Variants in PRORP observed in about 807,000 individuals in gnomAD.
The protein encoded by PRORP is protein only RNase P catalytic subunit, also known as mitochondrial ribonuclease P catalytic subunit.
PRORP carries 51 observed loss-of-function variants against 59.4 expected under a neutral mutation model. The ratio of observed to expected loss-of-function variants is 0.86; its 90% CI spans 0.69 to 1.08. The LOEUF (loss-of-function observed/expected upper bound fraction) is 1.08, where lower values mean the gene tolerates loss of function less well. Among genes scored for constraint, PRORP ranks in the 50% least tolerant of loss-of-function variants. The pLI is 0.00. For synonymous variants in PRORP, 231 were observed against 245.6 expected (o/e 0.94, Z 0.55); for missense variants, 646 against 690.3 (o/e 0.94, Z 0.72).
At chr14:35,150,833 A>G (rs1415058843) in intron 4 of PRORP, among the ~76,000 whole-genome samples, 2 of 152,170 alleles carry the variant, frequency 1.3e-5, no homozygotes, top group African/African-American at 2.4e-5. Flanking sequence ...TCAAATGGAA[A>G]GTTTTGTGTG....
chr14:35,123,188 A>G lies in PRORP; in HGVS notation c.-58A>G. On this transcript the variant is annotated 5_prime_UTR_variant, in exon 2 of 8. Coordinates refer to ENST00000534898, the MANE Select transcript of PRORP (RefSeq NM_014672.4). ...GACCCCCAATCTCTTTAATTTTGCC[A>G]TAGAAGAGGGGTTTTTTCAACATCT... The G allele has an allele frequency of 2.0e-6, 3 of 1,536,384 alleles. No homozygotes were observed. The highest frequency in any genetic ancestry group is 2.6e-6 in the Non-Finnish European group (3 of 1,144,414).
intron 7 of PRORP, among the ~76,000 whole-genome samples, chr14:35,272,714 G>A (rs763941147): frequency 1.4e-4 from 22 of 152,148 alleles, no homozygotes; most frequent in Non-Finnish European, 3.1e-4. Context: ...AATGGCTGAA[G>A]CTAGGTGATG....
intron 5 of PRORP, among the ~76,000 whole-genome samples, chr14:35,253,207 A>C (rs1383803497): frequency 1.3e-5 from 2 of 151,682 alleles, no homozygotes; most frequent in Non-Finnish European, 2.9e-5. Context: ...GCTGGTGTGC[A>C]CCTATAGTCC....
chr14:35,142,421 C>T lies in PRORP; in HGVS notation c.1167+14810C>T, dbSNP rs1293387952. 1.5e-5 allele frequency among the ~76,000 whole-genome samples: 2 copies of T among 137,872 alleles called. 1 individual carries two copies. The highest frequency in any genetic ancestry group is 3.2e-5 in the Non-Finnish European group (2 of 62,930). 90.4% of individuals were successfully genotyped at this position (137,872 alleles called of 152,430 possible). On this transcript the variant is annotated intron_variant, in intron 4 of 7. Transcript: ENST00000534898. ...GGGGTGCAATGGTGTGATCATAGCT[C>T]ACTGCAGCAATGAACTCCTGGGCTG...
intron 4 of PRORP, among the ~76,000 whole-genome samples, chr14:35,152,714 C>G (rs2047798968): frequency 6.8e-6 from 1 of 146,610 alleles, no homozygotes; most frequent in Non-Finnish European, 1.5e-5. Flanking sequence ...ACTTCTCAGA[C>G]GGGTCGGCCG....
intron 5 of PRORP, among the ~76,000 whole-genome samples, chr14:35,214,939 C>G (rs150509380): frequency 6.6e-6 from 1 of 152,076 alleles, no homozygotes; most frequent in South Asian, 2.1e-4. Context: ...TCTTGAGTGC[C>G]TTTTGAGTAT....
intron 4 of PRORP, among the ~76,000 whole-genome samples, chr14:35,143,185 C>G (rs1388715118): frequency 6.8e-6 from 1 of 146,040 alleles, no homozygotes; most frequent in African/African-American, 2.4e-5. Context: ...GACAGTCTCT[C>G]TCTGTTGCTC....
chr14:35,165,136 A>T (rs962339016), intron 4 of PRORP, among the ~76,000 whole-genome samples: 1 of 152,190 alleles, frequency 6.6e-6, no homozygotes, highest in African/African-American at 2.4e-5. Flanking sequence ...CATGATCCTT[A>T]AACATAGTTG....
chr14:35,216,816 ACTGT>A (rs1394008654), intron 5 of PRORP, among the ~76,000 whole-genome samples: 2 of 152,158 alleles, frequency 1.3e-5, no homozygotes, highest in Non-Finnish European at 2.9e-5. Context: ...CTTGTTGTTA[ACTGT>A]CTTTTTTATT....
At chr14:35,253,039 G>A (rs768289659) in intron 5 of PRORP, among the ~76,000 whole-genome samples, 83 of 152,058 alleles carry the variant, frequency 5.5e-4, no homozygotes, top group Non-Finnish European at 1.1e-3. Context: ...AAAAAATTGA[G>A]AAACTTTCTG....
chr14:35,239,334 T>G (rs1183383703), intron 5 of PRORP, among the ~76,000 whole-genome samples: 11 of 146,112 alleles, frequency 7.5e-5, no homozygotes, highest in Non-Finnish European at 1.6e-4. Context: ...GGTGACAGAG[T>G]AAGACTCCGT....
chr14:35,197,717 T>A lies in PRORP; in HGVS notation c.1275+16940T>A, dbSNP rs139771980. Among the ~76,000 whole-genome samples the A allele has an allele frequency of 2.6e-3, 395 of 152,312 alleles. 3 individuals are homozygous for A. The highest frequency in any genetic ancestry group is 8.2e-3 in the African/African-American group (339 of 41,570). On this transcript the variant is annotated intron_variant, in intron 5 of 7. Transcript: ENST00000534898. ...GCCAACTCAAGTGGATACTCCTTAT[T>A]GGTATATTATTTCTACCCCATTTTG...
intron 4 of PRORP, among the ~76,000 whole-genome samples, chr14:35,137,545 G>T (rs1021144652): frequency 2.8e-5 from 4 of 144,838 alleles, no homozygotes; most frequent in Non-Finnish European, 4.6e-5. Flanking sequence ...GGAAGGTTTG[G>T]AATGGTTCTT....
At chr14:35,215,350 C>T (rs2049560170) in intron 5 of PRORP, among the ~76,000 whole-genome samples, 1 of 152,100 alleles carries the variant, frequency 6.6e-6, no homozygotes, top group African/African-American at 2.4e-5. Context: ...TCTTCAGACT[C>T]CCAACCTTTG....
At chr14:35,124,602 G>A (rs1240173952) in intron 2 of PRORP, among the ~76,000 whole-genome samples, 1 of 150,402 alleles carries the variant, frequency 6.6e-6, no homozygotes, top group African/African-American at 2.5e-5. Context: ...TACATAATTT[G>A]TGCTAATCTT....
chr14:35,260,536 T>C (rs1237821438), intron 5 of PRORP, among the ~76,000 whole-genome samples: 1 of 152,218 alleles, frequency 6.6e-6, no homozygotes, highest in Non-Finnish European at 1.5e-5. Flanking sequence ...ACAGTGAAAG[T>C]CATGAGACAT....
intron 4 of PRORP, among the ~76,000 whole-genome samples, chr14:35,152,566 A>G (rs575604467): frequency 9.7e-4 from 140 of 144,894 alleles, no homozygotes; most frequent in South Asian, 4.0e-3. Flanking sequence ...GGCGCCCCCC[A>G]CCTCCCTCCC....
At chr14:35,262,291 C>G (rs2050926802) in intron 5 of PRORP, among the ~76,000 whole-genome samples, 1 of 152,104 alleles carries the variant, frequency 6.6e-6, no homozygotes, top group African/African-American at 2.4e-5. Context: ...GGATTACAGG[C>G]CTGAGCCACC....
chr14:35,239,913 A>G (rs1402223515), intron 5 of PRORP, among the ~76,000 whole-genome samples: 1 of 152,120 alleles, frequency 6.6e-6, no homozygotes, highest in Non-Finnish European at 1.5e-5. Flanking sequence ...TGTCTCTACT[A>G]AAAATACAAA....
Sources: gnomAD v4.1 joint callset for allele counts (sites outside exome capture counted in the v4.1 genomes callset) on GRCh38, gnomAD v4.1.1 for gene constraint, MANE v1.5 for transcripts, NCBI Gene and HGNC (gene_info 2026-07-23, HGNC 2026-07-21) for gene names.